The following PIP4K2A variants were observed in gnomAD, a reference collection of about 807,000 sequenced individuals.
PIP4K2A encodes the protein phosphatidylinositol 5-phosphate 4-kinase type-2 alpha.
Under a neutral mutation model 42.9 loss-of-function variants are expected in PIP4K2A, and 14 were observed. The observed-to-expected ratio is 0.33, with a 90% CI of 0.22 to 0.51. PIP4K2A has a LOEUF of 0.51. Ranked by LOEUF, PIP4K2A falls within the 20% of genes least tolerant of loss-of-function variation. PIP4K2A has a pLI of 0.97. For missense variants in PIP4K2A, 434 were observed against 519.8 expected (o/e 0.83, Z 1.61); for synonymous variants, 192 against 192.2 (o/e 1.00, Z 0.01).
At chr10:22,652,832 G>A (rs900906139) in intron 1 of PIP4K2A, among the ~76,000 whole-genome samples, 14 of 152,282 alleles carry the variant, frequency 9.2e-5, no homozygotes, top group East Asian at 3.9e-4. Context: ...AGTGGCTCAC[G>A]CCTACAAGCC....
intron 1 of PIP4K2A, among the ~76,000 whole-genome samples, chr10:22,634,698 T>C (rs553435983): frequency 1.9e-4 from 29 of 152,138 alleles, no homozygotes; most frequent in South Asian, 8.3e-4. Flanking sequence ...ATAGCAGAGG[T>C]GTAAAGTGTT....
chr10:22,641,468 G>A (rs139388606), intron 1 of PIP4K2A, among the ~76,000 whole-genome samples: 1 of 151,822 alleles, frequency 6.6e-6, no homozygotes, highest in East Asian at 1.9e-4. Flanking sequence ...TAAAGATGGG[G>A]TCTTGCTCTG....
intron 6 of PIP4K2A, among the ~76,000 whole-genome samples, chr10:22,554,455 C>T (rs575330502): frequency 3.3e-5 from 5 of 152,174 alleles, no homozygotes; most frequent in African/African-American, 4.8e-5. Flanking sequence ...GGATTATTTG[C>T]GCTTAGAGTT....
chr10:22,672,195 C>T (rs1363181191), intron 1 of PIP4K2A, among the ~76,000 whole-genome samples: 1 of 151,838 alleles, frequency 6.6e-6, no homozygotes, highest in African/African-American at 2.4e-5. Context: ...ACATTTAATG[C>T]CGCTACATCA....
rs990343917 is a variant in PIP4K2A, at chr10:22,536,125, T to C, written c.*1076A>G. 5.0e-6 allele frequency: 2 copies of C among 398,540 alleles called. No homozygotes were observed. Among genetic ancestry groups the C allele is most frequent in the East Asian group, 3.6e-5 (1 of 28,050 alleles). 24.7% of individuals were successfully genotyped at this position (398,540 alleles called of 1,614,324 possible). A position where few individuals can be genotyped will look rare whatever the true frequency, so the allele number is the denominator to read the frequency against. On this transcript the variant is annotated 3_prime_UTR_variant, in exon 10 of 10. Transcript: ENST00000376573. ...TAAACAGTAAAACTGAGGGTTTCAG[T>C]TAAAGGGATAATTCGTAACAAAATC...
At position 22,609,279 on chromosome 10, in the gene PIP4K2A, T is replaced by C. The variant is rs1446860010; in HGVS notation, c.242+341A>G. 2.0e-5 allele frequency among the ~76,000 whole-genome samples: 3 copies of C among 152,252 alleles called. No homozygotes were observed. In the South Asian group the frequency reaches 6.2e-4, roughly 31 times the overall value. On this transcript the variant is annotated intron_variant, in intron 2 of 9. Transcript: ENST00000376573. ...TCTAAGATGGAGTCATTGCTGTTCA[T>C]AAATCATCATTTTCAAAGTTCTGTG...
chr10:22,696,579 GA>G (rs578129326), intron 1 of PIP4K2A, among the ~76,000 whole-genome samples: 159 of 151,302 alleles, frequency 1.1e-3, no homozygotes, highest in African/African-American at 3.8e-3. Context: ...TTTCTCATAA[GA>G]AAAAAAGGGT....
intron 1 of PIP4K2A, among the ~76,000 whole-genome samples, chr10:22,662,964 C>T (rs1839234292): frequency 1.3e-5 from 2 of 152,206 alleles, no homozygotes; most frequent in African/African-American, 4.8e-5. Flanking sequence ...TGGTGTGTGT[C>T]GCCCCAGGGT....
chr10:22,551,558 A>G (rs978667446), intron 6 of PIP4K2A, among the ~76,000 whole-genome samples: 4 of 152,230 alleles, frequency 2.6e-5, no homozygotes, highest in African/African-American at 9.7e-5. Flanking sequence ...CAAACAGGAT[A>G]ATATAGGCAT....
In PIP4K2A at chr10:22,662,951, G is replaced by A. The variant is rs112891716; in HGVS notation, c.144+51232C>T. 3.9e-5 allele frequency among the ~76,000 whole-genome samples: 6 copies of A among 152,352 alleles called. 1 individual carries two copies. Among genetic ancestry groups the A allele is most frequent in the South Asian group, 2.1e-4 (1 of 4,826 alleles). ...TGCAGCCCCCACGCAGTTCTGCAAC[G>A]TCTGGTGTGTGTCGCCCCAGGGTGA... On this transcript the variant is annotated intron_variant, in intron 1 of 9. Coordinates refer to ENST00000376573, the MANE Select transcript of PIP4K2A (RefSeq NM_005028.5).
At chr10:22,548,735 G>A (rs1588617521) in intron 7 of PIP4K2A, among the ~76,000 whole-genome samples, 2 of 152,240 alleles carry the variant, frequency 1.3e-5, no homozygotes, top group Admixed American at 6.5e-5. Context: ...CACTTGTATC[G>A]TTTTGTTTGT....
At chr10:22,602,090 T>C (rs1186750618) in intron 3 of PIP4K2A, among the ~76,000 whole-genome samples, 3 of 152,194 alleles carry the variant, frequency 2.0e-5, no homozygotes, top group African/African-American at 7.2e-5. Context: ...AATGCAGTTA[T>C]CTTTAGAAAA....
chr10:22,577,107 T>C lies in PIP4K2A; in HGVS notation c.493-3650A>G, dbSNP rs1837142905. Among the ~76,000 whole-genome samples, 5 of 146,864 alleles carry C rather than the reference T, an allele frequency of 3.4e-5. No homozygotes were observed. The South Asian group carries it at 6.5e-4, about 19-fold the overall frequency. On this transcript the variant is annotated intron_variant, in intron 4 of 9. Transcript: ENST00000376573. ...AAAAAAAAAAAAAAAAAAGTATTCATAGATTCACTTAAAAAATACGTATTG... is the reference window on the plus strand; with the variant it reads ...AAAAAAAAAAAAAAAAAAGTATTCACAGATTCACTTAAAAAATACGTATTG...
intron 3 of PIP4K2A, among the ~76,000 whole-genome samples, chr10:22,603,485 A>G (rs1837840661): frequency 1.3e-5 from 2 of 152,070 alleles, no homozygotes; most frequent in African/African-American, 2.4e-5. Context: ...TCAAATGAGT[A>G]TAAGAGACTG....
At chr10:22,607,240 A>G (rs1244246014) in intron 3 of PIP4K2A, among the ~76,000 whole-genome samples, 1 of 152,236 alleles carries the variant, frequency 6.6e-6, no homozygotes. Flanking sequence ...AAAAATGATC[A>G]TGGCTCAACA....
chr10:22,640,014 CTTTTTTTTTTT>C (rs71395806), intron 1 of PIP4K2A, among the ~76,000 whole-genome samples: 33,639 of 93,228 alleles, frequency 0.36, 4,846 homozygotes, highest in South Asian at 0.42. Context: ...GATGTGTTGT[CTTTTTTTTTTT>C]TTTTTTTTTT....
intron 4 of PIP4K2A, among the ~76,000 whole-genome samples, chr10:22,587,621 C>T (rs1303949446): frequency 1.3e-5 from 2 of 152,154 alleles, no homozygotes; most frequent in East Asian, 1.9e-4. Flanking sequence ...CAATGACAGG[C>T]CTGTGTCCGG....
At chr10:22,661,005 G>A (rs138557042) in intron 1 of PIP4K2A, among the ~76,000 whole-genome samples, 163 of 152,272 alleles carry the variant, frequency 1.1e-3, no homozygotes, top group African/African-American at 3.5e-3. Flanking sequence ...ACAGGAGAGC[G>A]GTTGTGTGTG....
chr10:22,536,944 C>G lies in PIP4K2A; in HGVS notation c.*257G>C, dbSNP rs1005674350. 2.5e-6 allele frequency: 1 copy of G among 406,410 alleles called. No individual in the cohort carries two copies. The highest frequency in any genetic ancestry group is 4.1e-6 in the Non-Finnish European group (1 of 245,530). The allele number at this position is 406,410 out of a possible 1,614,324, so 25.2% of individuals were successfully genotyped here. On this transcript the variant is annotated 3_prime_UTR_variant, in exon 10 of 10. Coordinates refer to ENST00000376573, the MANE Select transcript of PIP4K2A (RefSeq NM_005028.5). Reference sequence around the variant, plus strand: ...ATTTATGACTTTTAAAATGCACACGCGCGCACACACTCACCCCCCCCCAAC... The same window carrying G: ...ATTTATGACTTTTAAAATGCACACGGGCGCACACACTCACCCCCCCCCAAC...
Sources: allele counts gnomAD v4.1 joint callset (sites outside exome capture counted in the v4.1 genomes callset), GRCh38; gene constraint gnomAD v4.1.1; transcripts MANE v1.5; gene names NCBI Gene and HGNC (gene_info 2026-07-23, HGNC 2026-07-21).